The following MAGI3 variants were observed in gnomAD, a reference collection of about 807,000 sequenced individuals.
The protein encoded by MAGI3 is membrane-associated guanylate kinase, WW and PDZ domain-containing protein 3.
MAGI3 carries 43 observed loss-of-function variants against 121.8 expected under a neutral mutation model. The observed-to-expected ratio is 0.35, with a 90% confidence interval of 0.28 to 0.46. The LOEUF (loss-of-function observed/expected upper bound fraction) is 0.46. MAGI3 is among the 20% of genes least tolerant of loss of function. The pLI is 1.00. For synonymous variants in MAGI3, 553 were observed against 639.3 expected (o/e 0.86, Z 2.04); for missense variants, 1,547 against 1,797.3 (o/e 0.86, Z 2.52).
intron 2 of MAGI3, among the ~76,000 whole-genome samples, chr1:113,554,261 A>G (rs1659897079): frequency 6.6e-6 from 1 of 151,476 alleles, no homozygotes; most frequent in South Asian, 2.1e-4. Context: ...AATGAAGAGA[A>G]AAATTATATA....
In MAGI3 at chr1:113,664,272, G is replaced by A. The variant is rs148449270; in HGVS notation, c.2815+5007G>A. Among the ~76,000 whole-genome samples the A allele has an allele frequency of 2.4e-3, 360 of 152,310 alleles. 1 individual carries two copies. Among genetic ancestry groups the A allele is most frequent in the African/African-American group, 8.1e-3 (336 of 41,560 alleles). On this transcript the variant is annotated intron_variant, in intron 16 of 20. Transcript: ENST00000307546. The stretch of plus-strand genomic sequence containing the variant: ...CATCATATGCTTTTAAGATTTATCT[G>A]CATTGCTGGGTGACCATAATTGATT...
intron 1 of MAGI3, among the ~76,000 whole-genome samples, chr1:113,446,329 T>C (rs1654177581): frequency 1.3e-5 from 2 of 152,182 alleles, no homozygotes; most frequent in South Asian, 4.1e-4. Context: ...ATGTTTTAAC[T>C]TTAGCATGTT....
intron 1 of MAGI3, among the ~76,000 whole-genome samples, chr1:113,525,254 T>G (rs1463484799): frequency 6.6e-6 from 1 of 152,202 alleles, no homozygotes; most frequent in Non-Finnish European, 1.5e-5. Context: ...GCTTTTTCCT[T>G]TTTTTATTCT....
intron 6 of MAGI3, among the ~76,000 whole-genome samples, chr1:113,608,308 G>T (rs369525463): frequency 2.0e-5 from 3 of 152,154 alleles, no homozygotes; most frequent in African/African-American, 4.8e-5. Flanking sequence ...GATTATTTTG[G>T]TCGCCCTTTT....
At chr1:113,675,904 A>G (rs544369471) in intron 19 of MAGI3, among the ~76,000 whole-genome samples, 1 of 152,370 alleles carries the variant, frequency 6.6e-6, no homozygotes, top group South Asian at 2.1e-4. Flanking sequence ...GCAGAACCAT[A>G]TGTAATATAC....
At chr1:113,650,635 A>T (rs1046821791) in intron 13 of MAGI3, among the ~76,000 whole-genome samples, 15 of 152,262 alleles carry the variant, frequency 9.9e-5, no homozygotes, top group African/African-American at 3.6e-4. Context: ...AACAGTATGT[A>T]GAAAATCTTG....
intron 1 of MAGI3, among the ~76,000 whole-genome samples, chr1:113,393,196 T>A (rs1442274161): frequency 6.6e-6 from 1 of 152,194 alleles, no homozygotes; most frequent in Non-Finnish European, 1.5e-5. Flanking sequence ...TAATATTAAC[T>A]GTGTTGAATA....
At chr1:113,448,989 A>G (rs1654322640) in intron 1 of MAGI3, among the ~76,000 whole-genome samples, 1 of 151,904 alleles carries the variant, frequency 6.6e-6, no homozygotes, top group Non-Finnish European at 1.5e-5. Context: ...GTGGTGGTGC[A>G]TGCCTGTAAT....
intron 9 of MAGI3, among the ~76,000 whole-genome samples, chr1:113,636,841 C>T (rs1652061575): frequency 6.6e-6 from 1 of 151,954 alleles, no homozygotes; most frequent in South Asian, 2.1e-4. Context: ...TAAAGTCTCC[C>T]ATTATTATTG....
At chr1:113,430,102 G>A (rs1250738036) in intron 1 of MAGI3, among the ~76,000 whole-genome samples, 3 of 152,036 alleles carry the variant, frequency 2.0e-5, no homozygotes, top group Non-Finnish European at 4.4e-5. Context: ...AAACCACAGG[G>A]TAGGATTTTA....
intron 1 of MAGI3, among the ~76,000 whole-genome samples, chr1:113,527,678 G>A (rs191538496): frequency 4.6e-5 from 7 of 152,260 alleles, no homozygotes; most frequent in Non-Finnish European, 1.0e-4. Context: ...AAGTCACTTT[G>A]CTAACACAGG....
intron 9 of MAGI3, among the ~76,000 whole-genome samples, chr1:113,630,243 T>C (rs534169382): frequency 1.4e-4 from 21 of 152,204 alleles, no homozygotes; most frequent in Admixed American, 5.2e-4. Context: ...CTGGCCCATG[T>C]GGGTGTGTGG....
chr1:113,543,284 TAATA>T (rs963220597), intron 1 of MAGI3, among the ~76,000 whole-genome samples: 2 of 152,290 alleles, frequency 1.3e-5, no homozygotes, highest in South Asian at 2.1e-4. Flanking sequence ...TTTAAAATGT[TAATA>T]AATAAAGAAC....
intron 2 of MAGI3, among the ~76,000 whole-genome samples, chr1:113,552,512 G>C (rs1659826841): frequency 6.6e-6 from 1 of 152,136 alleles, no homozygotes; most frequent in African/African-American, 2.4e-5. Context: ...CATAGCTCTA[G>C]AGCTTCCTCT....
chr1:113,620,509 TG>T (rs1219295398), intron 8 of MAGI3, among the ~76,000 whole-genome samples: 7 of 152,228 alleles, frequency 4.6e-5, no homozygotes, highest in Admixed American at 4.6e-4. Flanking sequence ...CGGTTGCCTA[TG>T]AGAGAAATAG....
chr1:113,651,945 A>G (rs1207815159), intron 14 of MAGI3, among the ~76,000 whole-genome samples: 1 of 152,192 alleles, frequency 6.6e-6, no homozygotes, highest in Non-Finnish European at 1.5e-5. Context: ...GTTTTAGTAT[A>G]ATTTAACATT....
chr1:113,679,083 C>A (rs1380997430), intron 19 of MAGI3, among the ~76,000 whole-genome samples: 1 of 152,098 alleles, frequency 6.6e-6, no homozygotes, highest in Admixed American at 6.5e-5. Context: ...TACATGTCAC[C>A]TTGAAATATA....
rs116487852 is a variant in MAGI3 at position 113,607,791 on chromosome 1, G to A, written c.1019-6810G>A. Among the ~76,000 whole-genome samples, 609 of 152,220 alleles carry A rather than the reference G, an allele frequency of 4.0e-3. 3 individuals are homozygous for A. The highest frequency in any genetic ancestry group is 0.014 in the African/African-American group (579 of 41,536). On this transcript the variant is annotated intron_variant, in intron 6 of 20. Coordinates refer to ENST00000307546, the MANE Select transcript of MAGI3 (RefSeq NM_001142782.2). ...CTAATTTTCTATCTATCTCTCCCTT[G>A]CTGTCCATTGTCAGCAGAGTAAAGT...
At position 113,485,011 on chromosome 1, in the gene MAGI3, T is replaced by G. The variant is rs115457848; in HGVS notation, c.317-64504T>G. Among the ~76,000 whole-genome samples the G allele has an allele frequency of 3.8e-3, 580 of 152,030 alleles. 1 individual carries two copies. The highest frequency in any genetic ancestry group is 6.1e-3 in the Non-Finnish European group (414 of 67,962). On this transcript the variant is annotated intron_variant, in intron 1 of 20. Transcript: ENST00000307546. ...CCTCCCAAAGTGCTGGGATTACAGG[T>G]GTGAACCACCACGCCTAACCCATAT...
Sources: gnomAD v4.1 joint callset for allele counts (sites outside exome capture counted in the v4.1 genomes callset) on GRCh38, gnomAD v4.1.1 for gene constraint, MANE v1.5 for transcripts, NCBI Gene and HGNC (gene_info 2026-07-23, HGNC 2026-07-21) for gene names.